RIMS2: variants seen among roughly 807,000 people sequenced by gnomAD.
RIMS2 encodes regulating synaptic membrane exocytosis protein 2.
In RIMS2, 59 loss-of-function variants were observed where a neutral mutation model predicts 174.4. The observed-to-expected ratio is 0.34, with a 90% CI of 0.27 to 0.42. The LOEUF (loss-of-function observed/expected upper bound fraction) is 0.42. Among genes scored for constraint, RIMS2 ranks in the 10% least tolerant of loss-of-function variants. RIMS2 has a pLI of 1.00. For synonymous variants in RIMS2, 606 were observed against 572.5 expected, an observed-to-expected ratio of 1.06 and a Z score of -0.84; for missense variants, 1,620 against 1,666.3, an observed-to-expected ratio of 0.97 and a Z score of 0.48.
intron 1 of RIMS2, among the ~76,000 whole-genome samples, chr8:103,578,989 C>CAA (rs34203614): frequency 1.0e-4 from 15 of 146,986 alleles, no homozygotes; most frequent in Admixed American, 2.0e-4. Flanking sequence ...GACTCTGTCT[C>CAA]AAAAAAAAAA....
At position 103,606,153 on chromosome 8, in the gene RIMS2, C is replaced by T. The variant is rs562474221; in HGVS notation, c.177-90933C>T. 2.6e-3 allele frequency among the ~76,000 whole-genome samples: 367 copies of T among 143,506 alleles called. 3 individuals are homozygous for T. Among genetic ancestry groups the T allele is most frequent in the South Asian group, 0.012 (50 of 4,238 alleles). The allele number at this position is 143,506 out of a possible 152,430, so 94.1% of individuals were successfully genotyped here. ...GTGGGCATTTAGTGCTATAAATTTC[C>T]CTCTACACACTGCTTTGAATGCGTC... is the stretch of plus-strand genomic sequence containing the variant. On this transcript the variant is annotated intron_variant, in intron 1 of 23. Transcript: ENST00000504942.
chr8:104,039,339 C>T (rs2096570408), intron 19 of RIMS2, among the ~76,000 whole-genome samples: 1 of 151,618 alleles, frequency 6.6e-6, no homozygotes, highest in Non-Finnish European at 1.5e-5. Flanking sequence ...TGCAACTGAA[C>T]TTGTTTTGTA....
At chr8:103,594,925 G>A (rs2094427322) in intron 1 of RIMS2, among the ~76,000 whole-genome samples, 1 of 151,756 alleles carries the variant, frequency 6.6e-6, no homozygotes. Context: ...AGATTTGAAA[G>A]CCAGATAGCT....
intron 1 of RIMS2, among the ~76,000 whole-genome samples, chr8:103,642,506 T>A (rs2135558901): frequency 6.6e-6 from 1 of 152,218 alleles, no homozygotes; most frequent in East Asian, 1.9e-4. Flanking sequence ...CCTTCCCTAA[T>A]GCTATTCCTT....
Position 103,555,342 on chromosome 8 carries a change from A to T in RIMS2, c.176+54280A>T, listed in dbSNP as rs534732944. ...ATATTACCTCACAACTATTAGAATG[A>T]CTACTATAAAAAAGGTAAAATATAT... On this transcript the variant is annotated intron_variant, in intron 1 of 23. Coordinates refer to ENST00000504942, the Ensembl canonical transcript of RIMS2. Among the ~76,000 whole-genome samples the T allele has an allele frequency of 6.0e-4, 92 of 152,312 alleles. No individual in the cohort carries two copies. The Middle Eastern group carries it at 0.024, about 39-fold the overall frequency.
chr8:103,599,939 T>C (rs1324494334), intron 1 of RIMS2, among the ~76,000 whole-genome samples: 1 of 152,146 alleles, frequency 6.6e-6, no homozygotes, highest in Non-Finnish European at 1.5e-5. Context: ...TACAATCAAA[T>C]TATTTTGACT....
At chr8:103,963,004 A>G (rs1221662972) in intron 15 of RIMS2, among the ~76,000 whole-genome samples, 1 of 152,146 alleles carries the variant, frequency 6.6e-6, no homozygotes, top group Non-Finnish European at 1.5e-5. Context: ...TAAATGCTGT[A>G]GGAATTACAT....
At chr8:104,021,262 AT>A (rs752676706) in intron 19 of RIMS2, among the ~76,000 whole-genome samples, 10 of 152,138 alleles carry the variant, frequency 6.6e-5, no homozygotes, top group Non-Finnish European at 1.0e-4. Flanking sequence ...TTTAATGCAC[AT>A]TCTAGAATAT....
At chr8:104,137,137 A>T (rs2133313208) in intron 19 of RIMS2, among the ~76,000 whole-genome samples, 1 of 152,330 alleles carries the variant, frequency 6.6e-6, no homozygotes, top group East Asian at 1.9e-4. Flanking sequence ...TATGGGGATT[A>T]TTTGGCTGTA....
At position 103,587,466 on chromosome 8, in the gene RIMS2, AAG is replaced by A. The variant is rs1491197666; in HGVS notation, c.176+86406_176+86407del. ...AAAGAAAGAAAGAAAGAAAGAAAGA[AAG>A]AAACTATGCACCAATATTTCTGATG... On this transcript the variant is annotated intron_variant, in intron 1 of 23. Transcript: ENST00000504942. 2.0e-4 allele frequency among the ~76,000 whole-genome samples: 19 copies of A among 94,574 alleles called. 1 individual carries two copies. The highest frequency in any genetic ancestry group is 3.4e-4 in the Non-Finnish European group (15 of 43,676). The allele number at this position is 94,574 out of a possible 152,430, so 62.0% of individuals were successfully genotyped here.
intron 19 of RIMS2, among the ~76,000 whole-genome samples, chr8:104,088,986 C>G (rs920579871): frequency 6.6e-6 from 1 of 151,880 alleles, no homozygotes; most frequent in Non-Finnish European, 1.5e-5. Flanking sequence ...GAAGAATAAT[C>G]ATTTCCTGTA....
chr8:103,518,313 G>T (rs1333136411), intron 1 of RIMS2, among the ~76,000 whole-genome samples: 1 of 150,958 alleles, frequency 6.6e-6, no homozygotes, highest in South Asian at 2.1e-4. Context: ...TGGAAGAAGA[G>T]GAATTGTCTT....
chr8:104,118,370 GTTT>G (rs113018786), intron 19 of RIMS2, among the ~76,000 whole-genome samples: 1 of 136,490 alleles, frequency 7.3e-6, no homozygotes, highest in African/African-American at 2.8e-5. Flanking sequence ...TTGTTTTTTT[GTTT>G]TTTTTTTTTT....
chr8:103,912,022 A>G, intron 5 of RIMS2, 31 bp from the exon 9 acceptor site: 1 of 1,500,772 alleles, frequency 6.7e-7, no homozygotes, highest in Non-Finnish European at 9.1e-7. Flanking sequence ...TTTTGTATTT[A>G]TTTATTTTGT....
At chr8:103,638,188 G>A (rs1271379144) in intron 1 of RIMS2, among the ~76,000 whole-genome samples, 1 of 152,006 alleles carries the variant, frequency 6.6e-6, no homozygotes, top group Non-Finnish European at 1.5e-5. Flanking sequence ...CCTATTTGAG[G>A]GGAGAGGAAT....
intron 1 of RIMS2, among the ~76,000 whole-genome samples, chr8:103,637,224 A>C (rs550278267): frequency 2.0e-5 from 3 of 152,122 alleles, no homozygotes; most frequent in East Asian, 1.9e-4. Context: ...CTGTAGTCTC[A>C]ATTTTGGTAT....
intron 5 of RIMS2, chr8:103,910,415 T>C (rs747119426): frequency 6.3e-7 from 1 of 1,597,218 alleles, no homozygotes; most frequent in South Asian, 1.1e-5. Context: ...TGATGTACTT[T>C]GGTGGCCACT....
rs2099141068 is a variant in RIMS2 at position 103,876,867 on chromosome 8, TATATATATATA to T, written c.699-8430_699-8420del. Among the ~76,000 whole-genome samples, 81 of 28,480 alleles carry T rather than the reference TATATATATATA, an allele frequency of 2.8e-3. 1 individual carries two copies. The highest frequency in any genetic ancestry group is 3.5e-3 in the East Asian group (3 of 854). The allele number at this position is 28,480 out of a possible 152,430, so 18.7% of individuals were successfully genotyped here. A position where few individuals can be genotyped will look rare whatever the true frequency, so the allele number is the denominator to read the frequency against. On this transcript the variant is annotated intron_variant, in intron 3 of 23. Transcript: ENST00000504942. ...ATATATACACACACACACTATTTTA[TATATATATATA>T]TATATATATATATATATATATATAT... is the stretch of plus-strand genomic sequence containing the variant.
intron 14 of RIMS2, among the ~76,000 whole-genome samples, chr8:103,956,583 C>A (rs1170432930): frequency 6.6e-6 from 1 of 152,100 alleles, no homozygotes; most frequent in East Asian, 1.9e-4. Flanking sequence ...TTCCTGACAC[C>A]TTATACAAAA....
Sources: gnomAD v4.1 joint callset for allele counts (sites outside exome capture counted in the v4.1 genomes callset) on GRCh38, gnomAD v4.1.1 for gene constraint, MANE v1.5 for transcripts, NCBI Gene and HGNC (gene_info 2026-07-23, HGNC 2026-07-21) for gene names.